GRIN2B: variants seen among roughly 807,000 people sequenced by gnomAD.
GRIN2B encodes the protein glutamate receptor ionotropic, NMDA 2B.
Under a neutral mutation model 114.5 loss-of-function variants are expected in GRIN2B, and 5 were observed. The observed-to-expected ratio is 0.04, with a 90% confidence interval of 0.02 to 0.09. The LOEUF (loss-of-function observed/expected upper bound fraction) is 0.09. Ranked by LOEUF, GRIN2B falls within the 10% of genes least tolerant of loss-of-function variation. The pLI is 1.00. For synonymous variants in GRIN2B, 787 were observed against 745.1 expected, an observed-to-expected ratio of 1.06 and a Z score of -0.92; for missense variants, 1,108 against 1,943.5, an observed-to-expected ratio of 0.57 and a Z score of 8.08.
At position 13,615,769 on chromosome 12, in the gene GRIN2B, C is replaced by T; in HGVS notation, c.1329-105G>A. 2.2e-6 allele frequency: 2 copies of T among 906,942 alleles called. No homozygotes were observed. Among genetic ancestry groups the T allele is most frequent in the Non-Finnish European group, 3.7e-6 (2 of 541,402 alleles). 56.2% of individuals were successfully genotyped at this position (906,942 alleles called of 1,614,324 possible). On this transcript the variant is annotated intron_variant, in intron 6 of 13. Coordinates refer to ENST00000609686, the MANE Select transcript of GRIN2B (RefSeq NM_000834.5). This position sits in a 1 kb window ranked among gnomAD's most constrained non-coding sequence, Gnocchi z 5.8. Reference sequence around the variant, plus strand: ...AAAAAACCTCCAATCCCAAAGCAGGCCCCCTTCACAGCTCAGCACAATTTA... The same window carrying T: ...AAAAAACCTCCAATCCCAAAGCAGGTCCCCTTCACAGCTCAGCACAATTTA...
rs1214837315 is a variant in GRIN2B, at chr12:13,563,145, TGTG to T, written c.4090_4092del (p.His1364del). The T allele has an allele frequency of 1.9e-6, 3 of 1,614,166 alleles. No individual in the cohort carries two copies. The highest frequency in any genetic ancestry group is 1.7e-6 in the Non-Finnish European group (2 of 1,180,034). ...AGCATGTACCCGCCGCCGGGGTTGT[TGTG>T]GTGGTGATGTCCGGCAGTGGGCACT... is the stretch of plus-strand genomic sequence containing the variant. On this transcript the variant is annotated inframe_deletion, in exon 14 of 14. Coordinates refer to ENST00000609686, the MANE Select transcript of GRIN2B (RefSeq NM_000834.5).
At chr12:13,959,331 C>T (rs564726951) in intron 2 of GRIN2B, among the ~76,000 whole-genome samples, 2 of 152,260 alleles carry the variant, frequency 1.3e-5, no homozygotes, top group South Asian at 2.1e-4. Context: ...GGCAGGCAGC[C>T]GCCAGGGTGG....
At chr12:13,644,811 T>A (rs1949748309) in intron 5 of GRIN2B, among the ~76,000 whole-genome samples, 1 of 152,170 alleles carries the variant, frequency 6.6e-6, no homozygotes, top group South Asian at 2.1e-4. Context: ...TGAAGTAACC[T>A]CTGCTAACTT....
chr12:13,943,832 C>T (rs1012118673), intron 2 of GRIN2B, among the ~76,000 whole-genome samples: 1 of 152,114 alleles, frequency 6.6e-6, no homozygotes, highest in African/African-American at 2.4e-5. Context: ...TCATCACTCT[C>T]GTCTATGATC....
chr12:13,707,456 A>G (rs1421764353), intron 4 of GRIN2B, among the ~76,000 whole-genome samples: 6 of 152,172 alleles, frequency 3.9e-5, no homozygotes, highest in Admixed American at 1.3e-4. Flanking sequence ...ACAGAGGTAG[A>G]TACTCATAGA....
chr12:13,740,192 TC>T (rs1464552056), intron 4 of GRIN2B, among the ~76,000 whole-genome samples: 1 of 152,214 alleles, frequency 6.6e-6, no homozygotes, highest in Non-Finnish European at 1.5e-5. Flanking sequence ...CTGAAATTCT[TC>T]GTTCCTGAAG....
chr12:13,956,576 T>C (rs759214668), intron 2 of GRIN2B, among the ~76,000 whole-genome samples: 54 of 152,186 alleles, frequency 3.5e-4, no homozygotes, highest in Admixed American at 5.9e-4. Context: ...TTCCTCCAAC[T>C]GTTCGTTCCG....
intron 4 of GRIN2B, among the ~76,000 whole-genome samples, chr12:13,717,125 C>T (rs933004671): frequency 2.0e-5 from 3 of 149,132 alleles, no homozygotes; most frequent in Admixed American, 6.7e-5. Flanking sequence ...ATTACAGAGA[C>T]CCTTAAATTT....
intron 2 of GRIN2B, among the ~76,000 whole-genome samples, chr12:13,902,683 C>T (rs1280702052): frequency 1.3e-5 from 2 of 152,018 alleles, no homozygotes; most frequent in Admixed American, 6.6e-5. Flanking sequence ...TGGTGGCCTG[C>T]GCCTGTAATC....
intron 5 of GRIN2B, among the ~76,000 whole-genome samples, chr12:13,621,820 C>T (rs1394002170): frequency 6.6e-6 from 1 of 151,928 alleles, no homozygotes; most frequent in Non-Finnish European, 1.5e-5. Flanking sequence ...ATCTGTAATG[C>T]TTTTAGACTT....
chr12:13,759,185 A>C (rs1863634305), intron 3 of GRIN2B, among the ~76,000 whole-genome samples: 1 of 150,898 alleles, frequency 6.6e-6, no homozygotes, highest in Non-Finnish European at 1.5e-5. Flanking sequence ...TTTTTTTTGT[A>C]TTTTTAGTAG....
At position 13,893,980 on chromosome 12, in the gene GRIN2B, G is replaced by A. The variant is rs145170537; in HGVS notation, c.-18-27754C>T. On this transcript the variant is annotated intron_variant, in intron 2 of 13. Transcript: ENST00000609686. ...AATGAAGAAACCTGGAAAATTGTCC[G>A]ATATTACTCATAATTACAGAAATAA... is the stretch of plus-strand genomic sequence containing the variant. 4.6e-3 allele frequency among the ~76,000 whole-genome samples: 707 copies of A among 152,098 alleles called. 8 individuals are homozygous for A. Among genetic ancestry groups the A allele is most frequent in the African/African-American group, 0.016 (660 of 41,538 alleles).
chr12:13,901,819 G>C (rs1198867861), intron 2 of GRIN2B, among the ~76,000 whole-genome samples: 1 of 152,000 alleles, frequency 6.6e-6, no homozygotes, highest in Non-Finnish European at 1.5e-5. Context: ...CCAACTTCAA[G>C]TTCATGAGAT....
At chr12:13,579,482 G>C (rs1026856355) in intron 10 of GRIN2B, among the ~76,000 whole-genome samples, 3 of 152,184 alleles carry the variant, frequency 2.0e-5, no homozygotes, top group South Asian at 2.1e-4. Context: ...TAAAGTTTAA[G>C]TATTCAACCA....
At position 13,722,988 on chromosome 12, in the gene GRIN2B, C is replaced by T. The variant is rs1241670440; in HGVS notation, c.1010+30329G>A. On this transcript the variant is annotated intron_variant, in intron 4 of 13. Coordinates refer to ENST00000609686, the MANE Select transcript of GRIN2B (RefSeq NM_000834.5). ...GGAGCACCTCATCTGTAGCTACTGT[C>T]CAGCTATAGCTTCTTGCCCTGGGGT... is the stretch of plus-strand genomic sequence containing the variant. 1.3e-5 allele frequency among the ~76,000 whole-genome samples: 2 copies of T among 152,218 alleles called. 1 individual carries two copies. The highest frequency in any genetic ancestry group is 2.9e-5 in the Non-Finnish European group (2 of 68,008).
intron 8 of GRIN2B, among the ~76,000 whole-genome samples, chr12:13,613,396 A>G (rs1019766703): frequency 6.6e-6 from 1 of 152,190 alleles, no homozygotes; most frequent in African/African-American, 2.4e-5. Context: ...CCCTTTCATT[A>G]GGGATTACCT....
intron 3 of GRIN2B, among the ~76,000 whole-genome samples, chr12:13,798,338 C>G (rs1032106225): frequency 1.3e-5 from 2 of 152,002 alleles, no homozygotes; most frequent in Non-Finnish European, 2.9e-5. Flanking sequence ...ATACCAGCCC[C>G]TAGGGATTCA....
chr12:13,615,650 T>C lies in GRIN2B; in HGVS notation c.1343A>G (p.Glu448Gly). Reference sequence around the variant, plus strand: ...GCATTTTTTGATGTAACCCGGCTCCTCGTCTGTTTTATTCCTAGCCAATTA... The same window carrying C: ...GCATTTTTTGATGTAACCCGGCTCCCCGTCTGTTTTATTCCTAGCCAATTA... ...KRIVTENKTDEEPGYIKKCCK... is the reference protein window; with the variant it reads ...KRIVTENKTDGEPGYIKKCCK... Residue 448 changes from glutamate to glycine, a missense_variant, in exon 7 of 14, where the codon GAG becomes GGG. By Grantham distance (98) the Glu-to-Gly change is moderately conservative. Coordinates refer to ENST00000609686, the MANE Select transcript of GRIN2B (RefSeq NM_000834.5). This position sits in a 1 kb window ranked among gnomAD's most constrained non-coding sequence, Gnocchi z 5.8. The C allele has an allele frequency of 1.9e-6, 3 of 1,613,418 alleles. No homozygotes were observed. Among genetic ancestry groups the C allele is most frequent in the Non-Finnish European group, 2.5e-6 (3 of 1,179,376 alleles).
At chr12:13,853,228 C>T (rs115044821) in intron 3 of GRIN2B, among the ~76,000 whole-genome samples, 1,741 of 152,298 alleles carry the variant, frequency 0.011, 35 homozygotes, top group African/African-American at 0.039. Flanking sequence ...TGTTTACTGT[C>T]AGTCAATGCT....
Sources: gnomAD v4.1 joint callset for allele counts (sites outside exome capture counted in the v4.1 genomes callset) on GRCh38, gnomAD v4.1.1 for gene constraint, Gnocchi (gnomAD v3.1) non-coding constraint, MANE v1.5 for transcripts, NCBI Gene and HGNC (gene_info 2026-07-23, HGNC 2026-07-21) for gene names.